SLC37A2: variants seen among roughly 807,000 people sequenced by gnomAD.
The protein encoded by SLC37A2 is glucose-6-phosphate exchanger SLC37A2.
Under a neutral mutation model 70.7 loss-of-function variants are expected in SLC37A2, and 59 were observed. The ratio of observed to expected loss-of-function variants is 0.83; its 90% CI spans 0.68 to 1.04. SLC37A2 has a LOEUF of 1.04. Among genes scored for constraint, SLC37A2 ranks in the 50% least tolerant of loss-of-function variants. The pLI, the probability that SLC37A2 is intolerant of heterozygous loss-of-function variation, is 0.00. For synonymous variants in SLC37A2, 257 were observed against 262.1 expected, an observed-to-expected ratio of 0.98 and a Z score of 0.19; for missense variants, 580 against 658.1, an observed-to-expected ratio of 0.88 and a Z score of 1.30.
intron 2 of SLC37A2, 53 bp from the exon 3 acceptor site, chr11:125,077,176 TG>T: frequency 7.2e-7 from 1 of 1,395,710 alleles, no homozygotes; most frequent in East Asian, 2.3e-5. Context: ...GGCAGGTGGT[TG>T]CTTGCTCCCC....
chr11:125,077,634 T>C, intron 4 of SLC37A2, 106 bp downstream of exon 4: 3 of 821,910 alleles, frequency 3.7e-6, no homozygotes, highest in Non-Finnish European at 5.7e-6. Flanking sequence ...GGATGCTGCA[T>C]GTACAATCCA....
chr11:125,077,720 C>T (rs1044862314), intron 4 of SLC37A2, among the ~76,000 whole-genome samples, 192 bp downstream of exon 4: 1 of 152,238 alleles, frequency 6.6e-6, no homozygotes, highest in Non-Finnish European at 1.5e-5. Context: ...CTGGTAGCAG[C>T]TCTTTTGCCT....
At chr11:125,070,841 G>C (rs1441808975) in intron 1 of SLC37A2, among the ~76,000 whole-genome samples, 1 of 152,214 alleles carries the variant, frequency 6.6e-6, no homozygotes, top group African/African-American at 2.4e-5. Flanking sequence ...CCACCCTGCT[G>C]TTTCCTCTCT....
rs1949140240 is a variant in SLC37A2 at position 125,080,935 on chromosome 11, TA to T, written c.694+159del. On this transcript the variant is annotated intron_variant, in intron 7 of 17. Transcript: ENST00000403796. The surrounding 1 kb of genome is among the most constrained non-coding windows in gnomAD (Gnocchi z 4.3). ...TTCAGAGCCTTTATTTTCTCATTTG[TA>T]AAATAATAATAGTAATAATAATGTC... Among the ~76,000 whole-genome samples, 1 of 152,314 alleles carries T rather than the reference TA, an allele frequency of 6.6e-6. No homozygotes were observed. Among genetic ancestry groups the T allele is most frequent in the South Asian group, 2.1e-4 (1 of 4,826 alleles).
rs1392796274 is a variant in SLC37A2, at chr11:125,082,281, A to G, written c.923A>G (p.Lys308Arg). 1 of 1,613,742 alleles carries G rather than the reference A, an allele frequency of 6.2e-7. No homozygotes were observed. Among genetic ancestry groups the G allele is most frequent in the African/African-American group, 1.3e-5 (1 of 74,814 alleles). ...VEFSLCLLFA[K>R]LVSYTFLYWL... ...TTCTCTCTGTGTCTGCTGTTTGCCAAGCTGGTCAGTTACACCTTCCTCTAC... is the reference window on the plus strand; with the variant it reads ...TTCTCTCTGTGTCTGCTGTTTGCCAGGCTGGTCAGTTACACCTTCCTCTAC... The change falls in exon 10 of 18, where the codon AAG becomes AGG. Residue 308 changes from lysine (K) to arginine (R), a missense_variant. Coordinates refer to ENST00000403796, the MANE Select transcript of SLC37A2 (RefSeq NM_001145290.2).
At chr11:125,078,884 G>A (rs1361788760) in intron 4 of SLC37A2, among the ~76,000 whole-genome samples, 2 of 152,002 alleles carry the variant, frequency 1.3e-5, no homozygotes, top group Non-Finnish European at 2.9e-5. Flanking sequence ...CGCACGACAC[G>A]AGGGGCCGGC....
At chr11:125,085,356 T>A in intron 14 of SLC37A2, 39 bp from the exon 15 acceptor site, 1 of 1,593,574 alleles carries the variant, frequency 6.3e-7, no homozygotes. Flanking sequence ...CTCATGCTGC[T>A]GCTCAGCTGG....
chr11:125,078,650 T>A (rs950716767), intron 4 of SLC37A2, among the ~76,000 whole-genome samples: 3 of 150,926 alleles, frequency 2.0e-5, no homozygotes, highest in Admixed American at 6.6e-5. Flanking sequence ...GTCAGGGTGG[T>A]TGGTGGGAAG....
chr11:125,078,547 G>A (rs1051426578), intron 4 of SLC37A2, among the ~76,000 whole-genome samples: 22 of 152,162 alleles, frequency 1.4e-4, no homozygotes, highest in African/African-American at 5.1e-4. Context: ...GAGGGGTGGG[G>A]AGGAAAGGTG....
chr11:125,066,870 G>A (rs1565393436), intron 1 of SLC37A2, among the ~76,000 whole-genome samples: 1 of 152,142 alleles, frequency 6.6e-6, no homozygotes, highest in Non-Finnish European at 1.5e-5. Context: ...TAATAAAACT[G>A]CAAAGGAAAG....
intron 4 of SLC37A2, 21 bp from the exon 5 acceptor site, chr11:125,079,091 A>T: frequency 2.5e-6 from 4 of 1,613,944 alleles, no homozygotes; most frequent in Non-Finnish European, 3.4e-6. Flanking sequence ...TTAACCGCAG[A>T]TCCAACTTTC....
rs371217812 is a variant in SLC37A2, at chr11:125,080,780, C to A, written c.694C>A (p.His232Asn). 4.1e-6 allele frequency: 6 copies of A among 1,466,936 alleles called. No homozygotes were observed. Among genetic ancestry groups the A allele is most frequent in the South Asian group, 1.5e-5 (1 of 68,690 alleles). 90.9% of individuals were successfully genotyped at this position (1,466,936 alleles called of 1,614,324 possible). Residue 232 changes from histidine to asparagine, a missense_variant and splice_region_variant, in exon 7 of 18, where the codon CAC (histidine) becomes AAC (asparagine). By Grantham distance (68) the His-to-Asn change is moderately conservative. Transcript: ENST00000403796. This position sits in a 1 kb window ranked among gnomAD's most constrained non-coding sequence, Gnocchi z 4.3. ...GVITFLFLIE[H>N]PEDVDCAPPQ... ...CATCACCTTCCTCTTCCTCATCGAA[C>A]GTGAGTGGGCCCCTCACTCCCCACA...
chr11:125,076,425 C>G (rs1463398025), intron 1 of SLC37A2, among the ~76,000 whole-genome samples: 1 of 152,154 alleles, frequency 6.6e-6, no homozygotes, highest in Non-Finnish European at 1.5e-5. Flanking sequence ...CACACATGCA[C>G]ACACACACAG....
At chr11:125,085,232 C>A in intron 14 of SLC37A2, 93 bp downstream of exon 14, 1 of 1,383,798 alleles carries the variant, frequency 7.2e-7, no homozygotes, top group African/African-American at 1.4e-5. Context: ...TCTCCCATCC[C>A]GCAGAGGAGA....
In SLC37A2 at chr11:125,079,707, C is replaced by T; in HGVS notation, c.474C>T (p.Thr158=). 3 of 1,608,262 alleles carry T rather than the reference C, an allele frequency of 1.9e-6. No homozygotes were observed. The highest frequency in any genetic ancestry group is 1.1e-5 in the South Asian group (1 of 89,570). ...AGGTCTGTAATGGACTCGTCCAGACCACAGGCTGGCCCTCTGTGGTGACCT... is the reference window on the plus strand; with the variant it reads ...AGGTCTGTAATGGACTCGTCCAGACTACAGGCTGGCCCTCTGTGGTGACCT... ...VIQVCNGLVQ[T]TGWPSVVTCV... is the part of the protein sequence containing the mutation. Residue 158 remains threonine, a synonymous_variant, in exon 6 of 18, where the codon ACC becomes ACT. Coordinates refer to ENST00000403796, the MANE Select transcript of SLC37A2 (RefSeq NM_001145290.2).
In SLC37A2 at chr11:125,063,534, G is replaced by C. The variant is rs895941674; in HGVS notation, c.59+108G>C. 9.8e-7 allele frequency: 1 copy of C among 1,015,548 alleles called. No homozygotes were observed. 62.9% of individuals were successfully genotyped at this position (1,015,548 alleles called of 1,614,324 possible). On this transcript the variant is annotated intron_variant, in intron 1 of 17. Coordinates refer to ENST00000403796, the MANE Select transcript of SLC37A2 (RefSeq NM_001145290.2). The surrounding 1 kb of genome is among the most constrained non-coding windows in gnomAD (Gnocchi z 5.4). ...CCCAGATCGGCCCCGGCGTCGCCGC[G>C]TGGCCAGGGGTGCTGGGGGGACTTG...
chr11:125,078,328 C>T (rs902253577), intron 4 of SLC37A2, among the ~76,000 whole-genome samples: 8 of 152,204 alleles, frequency 5.3e-5, no homozygotes, highest in Admixed American at 3.9e-4. Context: ...GAAGGGTTTT[C>T]GCCAGGGCGT....
chr11:125,076,974 T>A (rs1434346043), intron 2 of SLC37A2, 136 bp downstream of exon 2: 1 of 869,400 alleles, frequency 1.2e-6, no homozygotes, highest in Non-Finnish European at 1.8e-6. Flanking sequence ...CAGGAGCTCC[T>A]TTTGAGTTTA....
At position 125,085,598 on chromosome 11, in the gene SLC37A2, T is replaced by C. The variant is rs1402661177; in HGVS notation, c.1349T>C (p.Leu450Pro). 2.5e-6 allele frequency: 4 copies of C among 1,613,936 alleles called. No individual in the cohort carries two copies. Reference protein sequence around the residue: ...GSIGAALGPLLAGLISPTGWN... With the variant: ...GSIGAALGPLPAGLISPTGWN... Reference sequence around the variant, plus strand: ...TCAGGTGCGGCTCTGGGGCCTCTGCTGGCTGGGCTCATCTCCCCCACGGGC... The same window carrying C: ...TCAGGTGCGGCTCTGGGGCCTCTGCCGGCTGGGCTCATCTCCCCCACGGGC... Residue 450 changes from leucine (L) to proline (P), a missense_variant, in exon 16 of 18, where the codon CTG (leucine) becomes CCG (proline). Transcript: ENST00000403796.
Sources: gnomAD v4.1 joint callset for allele counts (sites outside exome capture counted in the v4.1 genomes callset) on GRCh38, gnomAD v4.1.1 for gene constraint, Gnocchi (gnomAD v3.1) non-coding constraint, MANE v1.5 for transcripts, NCBI Gene and HGNC (gene_info 2026-07-23, HGNC 2026-07-21) for gene names.